The following TSHZ3 variants were observed in gnomAD, a reference collection of about 807,000 sequenced individuals.
The protein encoded by TSHZ3 is teashirt zinc finger homeobox 3, also known as teashirt homolog 3.
A neutral mutation model predicts 64.5 loss-of-function variants in TSHZ3; 10 were observed. The ratio of observed to expected loss-of-function variants is 0.16; its 90% CI spans 0.10 to 0.26. The LOEUF is 0.26. Ranked by LOEUF, TSHZ3 falls within the 10% of genes least tolerant of loss-of-function variation. The pLI is 1.00. For synonymous variants in TSHZ3, 608 were observed against 593.1 expected, an observed-to-expected ratio of 1.03 and a Z score of -0.36; for missense variants, 1,242 against 1,421.7, an observed-to-expected ratio of 0.87 and a Z score of 2.03.
At chr19:31,199,400 CAAA>C (rs61428496) in intron 5 of TSHZ3, among the ~76,000 whole-genome samples, 5 of 98,582 alleles carry the variant, frequency 5.1e-5, no homozygotes, top group South Asian at 6.9e-4. Flanking sequence ...GAGACTCCGC[CAAA>C]AAAAAAAAAA....
At chr19:31,291,236 G>T (rs189091495) in intron 1 of TSHZ3, among the ~76,000 whole-genome samples, 41 of 152,304 alleles carry the variant, frequency 2.7e-4, no homozygotes, top group Non-Finnish European at 3.8e-4. Context: ...TTCCTCCAGC[G>T]GTGATGGGAA....
At chr19:31,243,688 G>A (rs1008739736) in intron 1 of TSHZ3, among the ~76,000 whole-genome samples, 1 of 152,096 alleles carries the variant, frequency 6.6e-6, no homozygotes, top group Non-Finnish European at 1.5e-5. Flanking sequence ...TGCCTCCCCT[G>A]CCAAGGTCAG....
intron 1 of TSHZ3, among the ~76,000 whole-genome samples, chr19:31,250,847 C>T (rs991263572): frequency 6.6e-6 from 1 of 152,188 alleles, no homozygotes; most frequent in Non-Finnish European, 1.5e-5. Flanking sequence ...TGAGGAATGG[C>T]TGCCCTGGCT....
intron 5 of TSHZ3, among the ~76,000 whole-genome samples, chr19:31,199,400 C>CAAAA (rs61428496): frequency 8.1e-5 from 8 of 98,576 alleles, no homozygotes; most frequent in South Asian, 3.5e-4. Flanking sequence ...GAGACTCCGC[C>CAAAA]AAAAAAAAAA....
Position 31,277,972 on chromosome 19 carries a change from A to C in TSHZ3, c.1821T>G (p.Phe607Leu), listed in dbSNP as rs3745783. The change falls in exon 2 of 2, where the codon TTT (phenylalanine) becomes TTG (leucine). Residue 607 changes from phenylalanine (F) to leucine (L), a missense_variant. This residue lies in a region of TSHZ3 where 550 missense variants were observed against 545.1 expected (regional missense o/e 1.01). Coordinates refer to ENST00000240587, the MANE Select transcript of TSHZ3 (RefSeq NM_020856.4). The surrounding 1 kb of genome is among the most constrained non-coding windows in gnomAD (Gnocchi z 4.5). ...SQTSPMPKTN[F>L]HAMEELVKKV... ...TTTTCACCAGCTCCTCCATGGCATG[A>C]AAGTTTGTCTTGGGCATGGGGGACG... The C allele has an allele frequency of 2.8e-5, 46 of 1,614,074 alleles. No individual in the cohort carries two copies. In the East Asian group the frequency reaches 9.4e-4, roughly 33 times the overall value.
rs191757223 is a variant in TSHZ3, at chr19:31,240,764, C to T, written n.550+1505G>A. ...AATGCTATTGATTTATAAACAAGAT[C>T]CTTCTTTCTCTGCCCAGTTATAATC... is the stretch of plus-strand genomic sequence containing the variant. On this transcript the variant is annotated intron_variant and non_coding_transcript_variant, in intron 3 of 6. Coordinates refer to the TSHZ3 transcript ENST00000651361. Among the ~76,000 whole-genome samples, 25 of 151,992 alleles carry T rather than the reference C, an allele frequency of 1.6e-4. No homozygotes were observed. The East Asian group carries it at 4.6e-3, about 28-fold the overall frequency.
chr19:31,272,228 C>T (rs183279601), downstream of TSHZ3, among the ~76,000 whole-genome samples: 54 of 152,224 alleles, frequency 3.5e-4, no homozygotes, highest in East Asian at 4.1e-3. Flanking sequence ...TGGAGCTGGA[C>T]GGCTTAGAGG....
intron 5 of TSHZ3, among the ~76,000 whole-genome samples, chr19:31,190,300 G>C (rs930940009): frequency 1.3e-5 from 2 of 152,126 alleles, no homozygotes; most frequent in Admixed American, 6.6e-5. Flanking sequence ...GACCTTGGAG[G>C]GGGGAAAGAA....
At chr19:31,349,100 C>G in intron 1 of TSHZ3, 80 bp downstream of exon 1, 1 of 1,493,124 alleles carries the variant, frequency 6.7e-7, no homozygotes, top group Admixed American at 2.1e-5. Flanking sequence ...GGGCGAGGAG[C>G]GGGGTCGCGC....
intron 1 of TSHZ3, among the ~76,000 whole-genome samples, chr19:31,250,355 C>T (rs1975820953): frequency 6.6e-6 from 1 of 152,206 alleles, no homozygotes; most frequent in African/African-American, 2.4e-5. Flanking sequence ...ATCTCCCCAT[C>T]TCTAATCCTC....
At chr19:31,152,283 C>CGTGTGTGTGT (rs3064806) in intron 6 of TSHZ3, among the ~76,000 whole-genome samples, 41 of 147,404 alleles carry the variant, frequency 2.8e-4, no homozygotes, top group East Asian at 2.0e-3. Flanking sequence ...TATATGTGAG[C>CGTGTGTGTGT]GTGTGTGTGT....
chr19:31,159,135 G>T (rs1410540225), intron 5 of TSHZ3, among the ~76,000 whole-genome samples: 1 of 152,128 alleles, frequency 6.6e-6, no homozygotes, highest in Non-Finnish European at 1.5e-5. Context: ...GAGTAGCTGG[G>T]ATTACAGGCA....
rs553603887 is a variant in TSHZ3 at position 31,287,177 on chromosome 19, G to A, written c.41-7425C>T. Among the ~76,000 whole-genome samples the A allele has an allele frequency of 2.6e-5, 4 of 152,238 alleles. No homozygotes were observed. In the South Asian group the frequency reaches 8.3e-4, roughly 32 times the overall value. On this transcript the variant is annotated intron_variant, in intron 1 of 1. Transcript: ENST00000240587. ...TGGGAGGGGGCACTGGGTGTGGGTG[G>A]AAAGAAAGGAAAAGAAAGTATGGCT...
chr19:31,230,603 T>G (rs1026142716), intron 3 of TSHZ3, among the ~76,000 whole-genome samples: 1 of 151,166 alleles, frequency 6.6e-6, no homozygotes, highest in African/African-American at 2.4e-5. Context: ...CAGACCTAAA[T>G]GCAGCTGAGC....
rs1052180668 is a variant in TSHZ3 at position 31,221,031 on chromosome 19, C to T, written n.686+6974G>A. Among the ~76,000 whole-genome samples, 6 of 152,184 alleles carry T rather than the reference C, an allele frequency of 3.9e-5. No individual in the cohort carries two copies. In the South Asian group the frequency reaches 8.3e-4, roughly 21 times the overall value. On this transcript the variant is annotated intron_variant and non_coding_transcript_variant, in intron 4 of 6. Coordinates refer to the TSHZ3 transcript ENST00000651361. Reference sequence around the variant, plus strand: ...AAATGTTTATTATCACCAGCAGTAACAAGACTAAGATCAGAGATGTGTATG... The same window carrying T: ...AAATGTTTATTATCACCAGCAGTAATAAGACTAAGATCAGAGATGTGTATG...
At chr19:31,345,492 CA>C (rs1387515630) in intron 1 of TSHZ3, among the ~76,000 whole-genome samples, 2 of 152,178 alleles carry the variant, frequency 1.3e-5, no homozygotes, top group Non-Finnish European at 2.9e-5. Context: ...CTGGCTGTTC[CA>C]GGGGGATCCA....
chr19:31,278,020 C>T lies in TSHZ3; in HGVS notation c.1773G>A (p.Leu591=). Residue 591 remains leucine (L), a synonymous_variant, in exon 2 of 2, where the codon CTG becomes CTA. Transcript: ENST00000240587. The surrounding 1 kb of genome is among the most constrained non-coding windows in gnomAD (Gnocchi z 4.7). ...ACGTCTGGCTGCTGGGTGGAGAGAC[C>T]AGGGTCTGGTTTTTCGTCGGGGAGA... ...EIVSPTKNQT[L]VSPPSSQTSP... 6.2e-7 allele frequency: 1 copy of T among 1,613,690 alleles called. No individual in the cohort carries two copies. The highest frequency in any genetic ancestry group is 8.5e-7 in the Non-Finnish European group (1 of 1,179,636).
intron 5 of TSHZ3, among the ~76,000 whole-genome samples, chr19:31,174,167 G>A (rs1295907713): frequency 6.6e-6 from 1 of 152,246 alleles, no homozygotes; most frequent in Non-Finnish European, 1.5e-5. Context: ...AGACCCGGGA[G>A]AGCCCATGGG....
At chr19:31,252,821 A>G (rs1975859854) in intron 1 of TSHZ3, among the ~76,000 whole-genome samples, 1 of 152,204 alleles carries the variant, frequency 6.6e-6, no homozygotes. Flanking sequence ...CTTTTTCCAA[A>G]TAAAGTAAAC....
Sources: allele counts gnomAD v4.1 joint callset (sites outside exome capture counted in the v4.1 genomes callset), GRCh38; gene constraint gnomAD v4.1.1; regional missense constraint gnomAD v4.1.1; non-coding constraint Gnocchi (gnomAD v3.1); transcripts MANE v1.5; gene names NCBI Gene and HGNC (gene_info 2026-07-23, HGNC 2026-07-21).